ALDH18A1: variants seen among roughly 807,000 people sequenced by gnomAD.
ALDH18A1 encodes the protein aldehyde dehydrogenase 18 family member A1.
Under a neutral mutation model 88.8 loss-of-function variants are expected in ALDH18A1, and 44 were observed. That is an observed-to-expected ratio of 0.50 (90% CI 0.39 to 0.64). ALDH18A1 has a LOEUF of 0.64. Ranked by LOEUF, ALDH18A1 falls within the 30% of genes least tolerant of loss-of-function variation. The probability of loss-of-function intolerance (pLI) is 0.00; values close to 1 mark genes in which losing one functional copy is unlikely to be tolerated. For synonymous variants in ALDH18A1, 331 were observed against 372.1 expected, an observed-to-expected ratio of 0.89 and a Z score of 1.27; for missense variants, 782 against 1,009.5, an observed-to-expected ratio of 0.77 and a Z score of 3.05.
intron 9 of ALDH18A1, among the ~76,000 whole-genome samples, 188 bp from the exon 10 acceptor site, chr10:95,626,964 G>A (rs981741576): frequency 2.0e-5 from 3 of 152,174 alleles, no homozygotes; most frequent in East Asian, 3.8e-4. Flanking sequence ...GAATGTGCCA[G>A]ATTCACTCAG....
In ALDH18A1 at chr10:95,654,133, T is replaced by C. The variant is rs373569823; in HGVS notation, c.-28-728A>G. Among the ~76,000 whole-genome samples, 21 of 151,902 alleles carry C rather than the reference T, an allele frequency of 1.4e-4. No individual in the cohort carries two copies. The South Asian group carries it at 2.3e-3, about 17-fold the overall frequency. ...AAAAAGTAGGGAACTCCTTCCTATA[T>C]GTACAGGGAGAACAAGCCATTCATT... On this transcript the variant is annotated intron_variant, in intron 1 of 17. Transcript: ENST00000371224.
chr10:95,650,126 G>A (rs1009225025), intron 2 of ALDH18A1, among the ~76,000 whole-genome samples: 5 of 151,900 alleles, frequency 3.3e-5, no homozygotes, highest in African/African-American at 1.2e-4. Flanking sequence ...TCGAACTTTC[G>A]GGAAAAAAAC....
chr10:95,620,809 AG>A (rs1438202715), intron 12 of ALDH18A1, among the ~76,000 whole-genome samples: 1 of 143,834 alleles, frequency 7.0e-6, no homozygotes, highest in Non-Finnish European at 1.5e-5. Flanking sequence ...GGACTGGGGG[AG>A]GGATAGCATT....
At chr10:95,629,183 G>T (rs2139596413) in intron 7 of ALDH18A1, among the ~76,000 whole-genome samples, 1 of 152,342 alleles carries the variant, frequency 6.6e-6, no homozygotes, top group Admixed American at 6.5e-5. Context: ...TTGAAAAAGA[G>T]TAAGTAGGAG....
chr10:95,611,326 G>C lies in ALDH18A1; in HGVS notation c.2040C>G (p.Asn680Lys). Residue 680 changes from asparagine to lysine, a missense_variant, in exon 16 of 18, where the codon AAC becomes AAG. Physicochemically the swap from Asn to Lys is moderately conservative, Grantham distance 94. Around this residue, in one of 3 missense-constraint regions of ALDH18A1, gnomAD observed 556 missense variants for 654.5 expected, o/e 0.85. Coordinates refer to ENST00000371224, the MANE Select transcript of ALDH18A1 (RefSeq NM_002860.4). ...DLELCIEVVD[N>K]VQDAIDHIHK... ...GGATGTGGTCAATGGCATCCTGAAC[G>C]TTGTCCACTACTTCAATGCATAATT... The C allele has an allele frequency of 6.2e-7, 1 of 1,614,200 alleles. No homozygotes were observed. The highest frequency in any genetic ancestry group is 2.2e-5 in the East Asian group (1 of 44,890).
rs2097895286 is a variant in ALDH18A1 at position 95,643,212 on chromosome 10, G to C, written c.89-6C>G. ...GACTGAAGGCTGGATACAATCTGTAGCCATCAAAGTCAAATGCAAGAAAAA... is the reference window on the plus strand; with the variant it reads ...GACTGAAGGCTGGATACAATCTGTACCCATCAAAGTCAAATGCAAGAAAAA... On this transcript the variant is annotated splice_polypyrimidine_tract_variant and splice_region_variant and intron_variant, in intron 2 of 17. Coordinates refer to ENST00000371224, the MANE Select transcript of ALDH18A1 (RefSeq NM_002860.4). 1.9e-6 allele frequency: 3 copies of C among 1,613,552 alleles called. No homozygotes were observed. Among genetic ancestry groups the C allele is most frequent in the Non-Finnish European group, 2.5e-6 (3 of 1,179,540 alleles).
intron 15 of ALDH18A1, among the ~76,000 whole-genome samples, chr10:95,612,735 T>G (rs1046860761): frequency 6.6e-5 from 10 of 152,330 alleles, no homozygotes; most frequent in African/African-American, 2.4e-4. Flanking sequence ...TAGTCCTGGC[T>G]AAAGGAGAGC....
intron 11 of ALDH18A1, among the ~76,000 whole-genome samples, chr10:95,622,519 A>C (rs1424620116): frequency 6.6e-6 from 1 of 151,894 alleles, no homozygotes; most frequent in Non-Finnish European, 1.5e-5. Context: ...AAATAGGATT[A>C]TGGCAAGCTC....
rs375299088 is a variant in ALDH18A1, at chr10:95,656,527, T to C, written c.-29+70A>G. 3 of 152,344 alleles carry C rather than the reference T, an allele frequency of 2.0e-5. No individual in the cohort carries two copies. In the East Asian group the frequency reaches 5.8e-4, roughly 30 times the overall value. 9.4% of individuals were successfully genotyped at this position (152,344 alleles called of 1,614,324 possible). On this transcript the variant is annotated intron_variant, in intron 1 of 17. Coordinates refer to ENST00000371224, the MANE Select transcript of ALDH18A1 (RefSeq NM_002860.4). ...GGCCCGGCGCTCACGCCCCTCGCGC[T>C]TGAGCCTGGGCGCGCAACAGCTTCC...
intron 13 of ALDH18A1, among the ~76,000 whole-genome samples, chr10:95,615,567 G>A (rs1262029000): frequency 6.6e-6 from 1 of 152,116 alleles, no homozygotes; most frequent in African/African-American, 2.4e-5. Flanking sequence ...ACATCAATAG[G>A]AAGAAAAGGA....
intron 12 of ALDH18A1, among the ~76,000 whole-genome samples, chr10:95,617,534 T>C (rs1408786946): frequency 6.6e-6 from 1 of 152,204 alleles, no homozygotes; most frequent in Non-Finnish European, 1.5e-5. Context: ...CACATGCCTG[T>C]CTGGGGAGGA....
rs774528601 is a variant in ALDH18A1, at chr10:95,653,399, A to G, written c.-22T>C. 1 of 1,612,950 alleles carries G rather than the reference A, an allele frequency of 6.2e-7. No homozygotes were observed. Among genetic ancestry groups the G allele is most frequent in the Non-Finnish European group, 8.5e-7 (1 of 1,179,328 alleles). On this transcript the variant is annotated 5_prime_UTR_variant, in exon 2 of 18. Coordinates refer to ENST00000371224, the MANE Select transcript of ALDH18A1 (RefSeq NM_002860.4). Reference sequence around the variant, plus strand: ...ACATGCTGCGATGTGGTCACTAACCAAAGTATCTGCAGAATACATTTTTTA... The same window carrying G: ...ACATGCTGCGATGTGGTCACTAACCGAAGTATCTGCAGAATACATTTTTTA...
rs1198850891 is a variant in ALDH18A1, at chr10:95,611,213, A to G, written c.2110+43T>C. On this transcript the variant is annotated intron_variant, in intron 16 of 17. Transcript: ENST00000371224. ...GCTAAGAGGAGCAGGATCAGAAAGC[A>G]GCAAAGGCAGACACTGTATGCGGGA... 1.9e-6 allele frequency: 3 copies of G among 1,611,078 alleles called. No homozygotes were observed. The Admixed American group carries it at 5.0e-5, about 27-fold the overall frequency.
chr10:95,651,116 G>A (rs12414244), intron 2 of ALDH18A1, among the ~76,000 whole-genome samples: 21,978 of 151,992 alleles, frequency 0.14, 2,031 homozygotes, highest in East Asian at 0.48. Flanking sequence ...CTGGGTGACA[G>A]GGCAAGACTC....
intron 13 of ALDH18A1, among the ~76,000 whole-genome samples, chr10:95,615,345 A>T (rs1251412563): frequency 6.6e-6 from 1 of 152,022 alleles, no homozygotes; most frequent in East Asian, 1.9e-4. Flanking sequence ...TCTCAAAAAA[A>T]AAAAAAAAGG....
intron 2 of ALDH18A1, among the ~76,000 whole-genome samples, chr10:95,651,685 A>AG (rs1453540005): frequency 6.6e-6 from 1 of 152,114 alleles, no homozygotes; most frequent in African/African-American, 2.4e-5. Context: ...TCTTGTGAGA[A>AG]GTCACTCACT....
chr10:95,643,280 C>T, intron 2 of ALDH18A1, 74 bp from the exon 3 acceptor site: 1 of 1,434,676 alleles, frequency 7.0e-7, no homozygotes, highest in Non-Finnish European at 9.7e-7. Flanking sequence ...TATACATGCT[C>T]AGTATTAACC....
chr10:95,629,452 T>C (rs1049149297), intron 7 of ALDH18A1, among the ~76,000 whole-genome samples: 5 of 152,166 alleles, frequency 3.3e-5, no homozygotes, highest in African/African-American at 4.8e-5. Flanking sequence ...TCAATGCCCA[T>C]TGTAGAGCAA....
intron 16 of ALDH18A1, among the ~76,000 whole-genome samples, chr10:95,610,814 C>A (rs1408801762): frequency 6.6e-6 from 1 of 152,124 alleles, no homozygotes; most frequent in Non-Finnish European, 1.5e-5. Flanking sequence ...ACTGTAAATT[C>A]CTCATTGGGG....
Sources: allele counts gnomAD v4.1 joint callset (sites outside exome capture counted in the v4.1 genomes callset), GRCh38; gene constraint gnomAD v4.1.1; regional missense constraint gnomAD v4.1.1; transcripts MANE v1.5; gene names NCBI Gene and HGNC (gene_info 2026-07-23, HGNC 2026-07-21).